Variants in CDH10 observed in about 807,000 individuals in gnomAD.
The protein encoded by CDH10 is cadherin-10.
A neutral mutation model predicts 73.1 loss-of-function variants in CDH10; 30 were observed. The ratio of observed to expected loss-of-function variants is 0.41; its 90% CI spans 0.31 to 0.56. CDH10 has a LOEUF of 0.56. CDH10 is among the 20% of genes least tolerant of loss of function. The probability of loss-of-function intolerance (pLI) is 0.27; values close to 1 mark genes in which losing one functional copy is unlikely to be tolerated. For synonymous variants in CDH10, 345 were observed against 348.2 expected (o/e 0.99, Z 0.10); for missense variants, 815 against 973.7 (o/e 0.84, Z 2.17).
intron 2 of CDH10, among the ~76,000 whole-genome samples, chr5:24,567,501 C>T (rs111907388): frequency 0.013 from 1,913 of 151,588 alleles, 44 homozygotes; most frequent in African/African-American, 0.044. Flanking sequence ...TAATAGCATA[C>T]AAGATCCTCA....
intron 2 of CDH10, among the ~76,000 whole-genome samples, chr5:24,575,566 C>T (rs984050615): frequency 6.6e-6 from 1 of 152,018 alleles, no homozygotes; most frequent in Non-Finnish European, 1.5e-5. Context: ...AAGCCAGAAG[C>T]AGATACCACT....
chr5:24,562,812 ACC>A (rs1745007378), intron 2 of CDH10, among the ~76,000 whole-genome samples: 1 of 151,672 alleles, frequency 6.6e-6, no homozygotes, highest in Non-Finnish European at 1.5e-5. Flanking sequence ...GGAAAAAAAT[ACC>A]TTTTTTTAAA....
chr5:24,630,130 A>T (rs906886519), intron 1 of CDH10, among the ~76,000 whole-genome samples: 3 of 152,150 alleles, frequency 2.0e-5, no homozygotes, highest in Non-Finnish European at 4.4e-5. Context: ...AAAAATATAC[A>T]AAAGGAATAA....
intron 1 of CDH10, among the ~76,000 whole-genome samples, chr5:24,634,036 T>C (rs1747792255): frequency 6.6e-6 from 1 of 151,872 alleles, no homozygotes; most frequent in South Asian, 2.1e-4. Flanking sequence ...AAACGTAAAT[T>C]CATCTCAACC....
intron 1 of CDH10, among the ~76,000 whole-genome samples, chr5:24,643,631 T>TG (rs942219768): frequency 6.6e-6 from 1 of 152,078 alleles, no homozygotes; most frequent in African/African-American, 2.4e-5. Context: ...AATGAAGGAA[T>TG]GAAGGACCAC....
rs541250201 is a variant in CDH10 at position 24,489,425 on chromosome 5, TA to T, written c.1877-1273del. On this transcript the variant is annotated intron_variant, in intron 11 of 11. Transcript: ENST00000264463. ...TAAAAAGCAAATAGGCAGAACTTTT[TA>T]AAAAGTGTATTCTTCAAGCTTTTAA... Among the ~76,000 whole-genome samples the T allele has an allele frequency of 2.2e-3, 339 of 152,252 alleles. 1 individual carries two copies. Among genetic ancestry groups the T allele is most frequent in the Non-Finnish European group, 4.0e-3 (273 of 67,984 alleles).
chr5:24,499,556 A>C (rs1198125350), intron 8 of CDH10: 1 of 152,150 alleles, frequency 6.6e-6, no homozygotes, highest in Non-Finnish European at 1.5e-5. Context: ...GTGTTGTGGC[A>C]AGAGCCTGTA....
intron 5 of CDH10, among the ~76,000 whole-genome samples, chr5:24,530,438 ATTTTATGATTTTCTATT>A (rs914174280): frequency 9.2e-5 from 14 of 151,974 alleles, no homozygotes; most frequent in African/African-American, 3.4e-4. Context: ...ATTTTACATA[ATTTTATGATTTTCTATT>A]TTTTATGATT....
intron 7 of CDH10, among the ~76,000 whole-genome samples, chr5:24,508,457 CTT>C (rs35555560): frequency 0.36 from 54,344 of 151,982 alleles, 11,857 homozygotes; most frequent in East Asian, 0.58. Context: ...AACCTCTCAA[CTT>C]TGATGGCTGT....
chr5:24,571,334 T>G (rs1475265531), intron 2 of CDH10, among the ~76,000 whole-genome samples: 1 of 152,044 alleles, frequency 6.6e-6, no homozygotes, highest in African/African-American at 2.4e-5. Flanking sequence ...TGAGAAATAA[T>G]AGGGACAACT....
intron 1 of CDH10, among the ~76,000 whole-genome samples, chr5:24,609,062 A>T (rs1057044159): frequency 6.6e-6 from 1 of 152,208 alleles, no homozygotes; most frequent in African/African-American, 2.4e-5. Context: ...GGATTTGCAG[A>T]ATCAGTGCTT....
chr5:24,587,718 G>C (rs1746070963), intron 2 of CDH10, among the ~76,000 whole-genome samples: 1 of 127,740 alleles, frequency 7.8e-6, no homozygotes, highest in South Asian at 2.8e-4. Context: ...AAAATGATTG[G>C]CTAAATTATA....
rs1171874568 is a variant in CDH10, at chr5:24,564,098, T to A, written c.232-26424A>T. The stretch of plus-strand genomic sequence containing the variant: ...TCAAAAGATCTCTGGTTCCTCTTAG[T>A]CAAAAATGATATTTAGAAACAAATA... On this transcript the variant is annotated intron_variant, in intron 2 of 11. Coordinates refer to ENST00000264463, the MANE Select transcript of CDH10 (RefSeq NM_006727.5). 2.0e-5 allele frequency among the ~76,000 whole-genome samples: 3 copies of A among 152,168 alleles called. No individual in the cohort carries two copies. The East Asian group carries it at 5.8e-4, about 29-fold the overall frequency.
Position 24,565,295 on chromosome 5 carries a change from AAATT to A in CDH10, c.232-27625_232-27622del, listed in dbSNP as rs1315906050. Among the ~76,000 whole-genome samples the A allele has an allele frequency of 7.2e-5, 11 of 152,344 alleles. No homozygotes were observed. In the East Asian group the frequency reaches 7.7e-4, roughly 11 times the overall value. On this transcript the variant is annotated intron_variant, in intron 2 of 11. Coordinates refer to ENST00000264463, the MANE Select transcript of CDH10 (RefSeq NM_006727.5). ...TAAAAAACTTCTATAGTTGCTAAAT[AAATT>A]AAGATCACAGTACACAGAGTCAAAA...
At chr5:24,628,124 C>T (rs1747571825) in intron 1 of CDH10, among the ~76,000 whole-genome samples, 1 of 152,098 alleles carries the variant, frequency 6.6e-6, no homozygotes, top group Non-Finnish European at 1.5e-5. Flanking sequence ...GAAATAAATA[C>T]TGCCTCCCCT....
At chr5:24,533,667 G>A (rs1280997520) in intron 5 of CDH10, among the ~76,000 whole-genome samples, 1 of 151,908 alleles carries the variant, frequency 6.6e-6, no homozygotes, top group Non-Finnish European at 1.5e-5. Context: ...TAAAAGGCTC[G>A]AGCTAAGAGG....
At chr5:24,554,481 T>TAA (rs1744687310) in intron 2 of CDH10, among the ~76,000 whole-genome samples, 1 of 15,278 alleles carries the variant, frequency 6.5e-5, no homozygotes, top group South Asian at 3.3e-3. Context: ...TTCGTGTGTG[T>TAA]GTGTGTGTGT....
intron 2 of CDH10, among the ~76,000 whole-genome samples, chr5:24,573,102 T>C (rs934273546): frequency 6.6e-6 from 1 of 151,774 alleles, no homozygotes; most frequent in Admixed American, 6.6e-5. Flanking sequence ...CAAATATTGA[T>C]ATGAGTTCAT....
At chr5:24,617,750 T>C (rs1189299008) in intron 1 of CDH10, among the ~76,000 whole-genome samples, 1 of 152,288 alleles carries the variant, frequency 6.6e-6, no homozygotes, top group Non-Finnish European at 1.5e-5. Context: ...GGATTACATA[T>C]CCATGCTCCT....
Sources: allele counts gnomAD v4.1 joint callset (sites outside exome capture counted in the v4.1 genomes callset), GRCh38; gene constraint gnomAD v4.1.1; transcripts MANE v1.5; gene names NCBI Gene and HGNC (gene_info 2026-07-23, HGNC 2026-07-21).